Variants in THSD1 observed in about 807,000 individuals in gnomAD.
THSD1 encodes thrombospondin type-1 domain-containing protein 1.
A neutral mutation model predicts 46.3 loss-of-function variants in THSD1; 34 were observed. The observed-to-expected ratio is 0.74, with a 90% CI of 0.56 to 0.98. The LOEUF (loss-of-function observed/expected upper bound fraction) is 0.98, where lower values mean the gene tolerates loss of function less well. THSD1 is among the 50% of genes least tolerant of loss of function. The pLI is 0.00. For missense variants in THSD1, 1,023 were observed against 1,058.3 expected (o/e 0.97, Z 0.46); for synonymous variants, 407 against 416.5 (o/e 0.98, Z 0.28).
At chr13:52,403,054 T>A (rs1466696055) in intron 1 of THSD1, 3 of 647,276 alleles carry the variant, frequency 4.6e-6, no homozygotes, top group Non-Finnish European at 5.8e-6. Context: ...CATTTCACAC[T>A]GATCAATTTA....
intron 3 of THSD1, among the ~76,000 whole-genome samples, chr13:52,393,246 T>G (rs1454167239): frequency 5.9e-5 from 9 of 152,208 alleles, no homozygotes; most frequent in Non-Finnish European, 8.8e-5. Context: ...TTATGAGGAC[T>G]ATATGGGTTA....
intron 2 of THSD1, among the ~76,000 whole-genome samples, chr13:52,400,793 T>C (rs530458316): frequency 6.6e-6 from 1 of 152,350 alleles, no homozygotes; most frequent in East Asian, 1.9e-4. Flanking sequence ...TTTTTTATGC[T>C]CATTCAACTT....
intron 4 of THSD1, among the ~76,000 whole-genome samples, chr13:52,379,568 C>T (rs762857568): frequency 1.3e-5 from 2 of 151,958 alleles, no homozygotes; most frequent in Non-Finnish European, 2.9e-5. Context: ...TCCGCCTCCA[C>T]GGTTCAAGTG....
chr13:52,378,472 G>C lies in THSD1; in HGVS notation c.1498C>G (p.Arg500Gly). The change falls in exon 5 of 5, where the codon CGG becomes GGG. Residue 500 changes from arginine to glycine, a missense_variant. Arg to Gly is a moderately radical substitution (Grantham distance 125). Around this residue, in one of 3 missense-constraint regions of THSD1, gnomAD observed 578 missense variants for 497.4 expected, o/e 1.16. Coordinates refer to ENST00000258613, the MANE Select transcript of THSD1 (RefSeq NM_018676.4). Reference sequence around the variant, plus strand: ...TCCTCGGGAGGTACCGGCCCGCTCCGCCTGTAGGTCAGAGGGATGCCTGTG... The same window carrying C: ...TCCTCGGGAGGTACCGGCCCGCTCCCCCTGTAGGTCAGAGGGATGCCTGTG... Reference protein sequence around the residue: ...GDTGIPLTYRRSGPVPPEDDA... With the variant: ...GDTGIPLTYRGSGPVPPEDDA... 6.2e-7 allele frequency: 1 copy of C among 1,614,160 alleles called. No individual in the cohort carries two copies. Among genetic ancestry groups the C allele is most frequent in the Non-Finnish European group, 8.5e-7 (1 of 1,180,032 alleles).
intron 2 of THSD1, among the ~76,000 whole-genome samples, chr13:52,400,995 A>T (rs1202637486): frequency 2.0e-5 from 3 of 152,028 alleles, no homozygotes; most frequent in African/African-American, 7.3e-5. Context: ...TGTTTTTGAG[A>T]CGGACTTTTG....
At position 52,378,462 on chromosome 13, in the gene THSD1, G is replaced by T. The variant is rs1489214693; in HGVS notation, c.1508C>A (p.Pro503Gln). The T allele has an allele frequency of 5.0e-6, 8 of 1,614,006 alleles. No individual in the cohort carries two copies. The highest frequency in any genetic ancestry group is 6.8e-6 in the Non-Finnish European group (8 of 1,180,042). ...GIPLTYRRSG[P>Q]VPPEDDASGS... ...AGAGGCATCATCCTCGGGAGGTACC[G>T]GCCCGCTCCGCCTGTAGGTCAGAGG... The change falls in exon 5 of 5, where the codon CCG (proline) becomes CAG (glutamine). Residue 503 changes from proline to glutamine, a missense_variant. Pro to Gln is a moderately conservative substitution (Grantham distance 76). Around this residue, in one of 3 missense-constraint regions of THSD1, gnomAD observed 578 missense variants for 497.4 expected, o/e 1.16. Coordinates refer to ENST00000258613, the MANE Select transcript of THSD1 (RefSeq NM_018676.4).
intron 3 of THSD1, among the ~76,000 whole-genome samples, chr13:52,393,700 T>G (rs1288139237): frequency 6.6e-6 from 1 of 152,172 alleles, no homozygotes; most frequent in Non-Finnish European, 1.5e-5. Flanking sequence ...ACTATTATTC[T>G]AGTTTCAAAA....
Position 52,378,082 on chromosome 13 carries a change from C to T in THSD1, c.1888G>A (p.Ala630Thr). 6.2e-7 allele frequency: 1 copy of T among 1,614,190 alleles called. No homozygotes were observed. The highest frequency in any genetic ancestry group is 1.6e-4 in the Middle Eastern group (1 of 6,062). Residue 630 changes from alanine to threonine, a missense_variant, in exon 5 of 5, where the codon GCA becomes ACA. This residue lies in a region of THSD1 where 578 missense variants were observed against 497.4 expected (regional missense o/e 1.16). Transcript: ENST00000258613. ...PSQTLIRKSQARHVGSRGGPS... is the reference protein window; with the variant it reads ...PSQTLIRKSQTRHVGSRGGPS... ...CCCCCTCTGCTGCCCACGTGCCTTG[C>T]CTGTGACTTGCGGATCAGAGTCTGG...
chr13:52,404,370 G>A (rs1957890797), intron 1 of THSD1, among the ~76,000 whole-genome samples: 1 of 152,164 alleles, frequency 6.6e-6, no homozygotes, highest in African/African-American at 2.4e-5. Context: ...TCAATGGAAG[G>A]GAAACTGGTG....
At position 52,397,596 on chromosome 13, in the gene THSD1, C is replaced by T. The variant is rs1404566308; in HGVS notation, c.657G>A (p.Leu219=). ...TGACTGAGTCTCGCCCAAGCAGCTTCAGCACCACGGTGACATAGGCTTCTG... is the reference window on the plus strand; with the variant it reads ...TGACTGAGTCTCGCCCAAGCAGCTTTAGCACCACGGTGACATAGGCTTCTG... ...LGPEAYVTVV[L]KLLGRDSVIT... The change falls in exon 3 of 5, where the codon CTG becomes CTA. Residue 219 remains leucine (L), a synonymous_variant. Coordinates refer to ENST00000258613, the MANE Select transcript of THSD1 (RefSeq NM_018676.4). The T allele has an allele frequency of 6.2e-7, 1 of 1,614,192 alleles. No individual in the cohort carries two copies. Among genetic ancestry groups the T allele is most frequent in the Non-Finnish European group, 8.5e-7 (1 of 1,180,030 alleles).
At chr13:52,396,765 C>G (rs9536060) in intron 3 of THSD1, among the ~76,000 whole-genome samples, 10,904 of 152,122 alleles carry the variant, frequency 0.072, 523 homozygotes, top group African/African-American at 0.13. Flanking sequence ...TAAAAAGGCC[C>G]CATTCCTATA....
intron 4 of THSD1, among the ~76,000 whole-genome samples, chr13:52,380,750 G>T (rs370508501): frequency 1.3e-5 from 2 of 152,102 alleles, no homozygotes; most frequent in South Asian, 2.1e-4. Flanking sequence ...AGTAAACAGG[G>T]CAAGAAGCAG....
chr13:52,382,231 A>G (rs933480884), intron 4 of THSD1, among the ~76,000 whole-genome samples: 1 of 152,104 alleles, frequency 6.6e-6, no homozygotes, highest in Non-Finnish European at 1.5e-5. Flanking sequence ...TCTGATCTCA[A>G]AGGAATGGAA....
rs914414343 is a variant in THSD1 at position 52,397,101 on chromosome 13, C to G, written c.1021+131G>C. 11 of 794,802 alleles carry G rather than the reference C, an allele frequency of 1.4e-5. No homozygotes were observed. The African/African-American group carries it at 1.6e-4, about 11-fold the overall frequency. 49.2% of individuals were successfully genotyped at this position (794,802 alleles called of 1,614,324 possible). ...AATTTTTCAGCTAAGGGTGATAATG[C>G]CAATTGGTACATTATAAGGCATGAA... On this transcript the variant is annotated intron_variant, in intron 3 of 4. Transcript: ENST00000258613.
Position 52,377,620 on chromosome 13 carries a change from A to C in THSD1, c.2350T>G (p.Tyr784Asp). Reference sequence around the variant, plus strand: ...GGGCTCAGAGAACTGACCCTCTGGTAGTTATCTTTGGGGGATATGGGAGAA... The same window carrying C: ...GGGCTCAGAGAACTGACCCTCTGGTCGTTATCTTTGGGGGATATGGGAGAA... ...QSSPISPKDN[Y>D]QRVSSLSPSQ... is the part of the protein sequence containing the mutation. The change falls in exon 5 of 5, where the codon TAC becomes GAC. Residue 784 changes from tyrosine to aspartate, a missense_variant. By Grantham distance (160) the Tyr-to-Asp change is radical (BLOSUM62 -3). Transcript: ENST00000258613. 1 of 1,609,174 alleles carries C rather than the reference A, an allele frequency of 6.2e-7. No homozygotes were observed. Among genetic ancestry groups the C allele is most frequent in the Non-Finnish European group, 8.5e-7 (1 of 1,176,178 alleles).
chr13:52,384,212 AGATGCC>A (rs1368328856), intron 4 of THSD1: 1 of 312,968 alleles, frequency 3.2e-6, no homozygotes, highest in African/African-American at 2.2e-5. Context: ...AAGAAGAAGA[AGATGCC>A]AGAATATGAC....
At chr13:52,396,877 C>A (rs1466731904) in intron 3 of THSD1, among the ~76,000 whole-genome samples, 4 of 152,142 alleles carry the variant, frequency 2.6e-5, no homozygotes, top group African/African-American at 9.7e-5. Flanking sequence ...ATTAACTTAC[C>A]ATATGATTTA....
At chr13:52,403,671 C>T (rs896742655) in intron 1 of THSD1, among the ~76,000 whole-genome samples, 8 of 152,014 alleles carry the variant, frequency 5.3e-5, no homozygotes, top group African/African-American at 1.7e-4. Flanking sequence ...TTAGTAGAAA[C>T]GGGGTTTCAT....
Position 52,402,571 on chromosome 13 carries a change from A to C in THSD1, c.30T>G (p.Asn10Lys). MKPMLKDFS[N>K]LLLVVLCDYV... ...AGTCACAGAGTACCACCAACAATAG[A>C]TTTGAAAAGTCTTTCAACATTGGTT... Residue 10 changes from asparagine (N) to lysine (K), a missense_variant, in exon 2 of 5, where the codon AAT becomes AAG. Around this residue, in one of 3 missense-constraint regions of THSD1, gnomAD observed 429 missense variants for 518.3 expected, o/e 0.83. Coordinates refer to ENST00000258613, the MANE Select transcript of THSD1 (RefSeq NM_018676.4). 1.2e-6 allele frequency: 2 copies of C among 1,614,024 alleles called. No individual in the cohort carries two copies. Among genetic ancestry groups the C allele is most frequent in the Non-Finnish European group, 1.7e-6 (2 of 1,179,914 alleles).
Sources: gnomAD v4.1 joint callset for allele counts (sites outside exome capture counted in the v4.1 genomes callset) on GRCh38, gnomAD v4.1.1 for gene constraint, gnomAD v4.1.1 regional missense constraint, MANE v1.5 for transcripts, NCBI Gene and HGNC (gene_info 2026-07-23, HGNC 2026-07-21) for gene names.